BANK1: variants seen among roughly 807,000 people sequenced by gnomAD.
BANK1 encodes B-cell scaffold protein with ankyrin repeats.
Under a neutral mutation model 94.5 loss-of-function variants are expected in BANK1, and 95 were observed. The observed-to-expected ratio is 1.00, with a 90% confidence interval of 0.85 to 1.19. The LOEUF is 1.19. Among genes scored for constraint, BANK1 ranks in the 50% most tolerant of loss-of-function variants. The probability of loss-of-function intolerance (pLI) is 0.00; values close to 1 mark genes in which losing one functional copy is unlikely to be tolerated. For synonymous variants in BANK1, 334 were observed against 308.4 expected (o/e 1.08, Z -0.87); for missense variants, 987 against 932.2 (o/e 1.06, Z -0.77).
At chr4:101,808,600 A>G (rs1250762530) in intron 1 of BANK1, among the ~76,000 whole-genome samples, 1 of 152,144 alleles carries the variant, frequency 6.6e-6, no homozygotes, top group Non-Finnish European at 1.5e-5. Context: ...AAATATTTGC[A>G]AACTATGCGT....
At chr4:101,944,174 C>T (rs80291770) in intron 7 of BANK1, among the ~76,000 whole-genome samples, 5 of 151,632 alleles carry the variant, frequency 3.3e-5, no homozygotes, top group South Asian at 2.1e-4. Context: ...ATGTATCAGT[C>T]GAGAAATTTT....
At chr4:101,923,216 T>A (rs1723054735) in intron 7 of BANK1, among the ~76,000 whole-genome samples, 1 of 151,846 alleles carries the variant, frequency 6.6e-6, no homozygotes, top group African/African-American at 2.4e-5. Context: ...AAATTTAGAC[T>A]TCACTGTCAA....
intron 6 of BANK1, among the ~76,000 whole-genome samples, chr4:101,913,684 C>T (rs1380553401): frequency 6.6e-6 from 1 of 152,172 alleles, no homozygotes; most frequent in Non-Finnish European, 1.5e-5. Flanking sequence ...CATCCTTGTT[C>T]TGTTGCTCTT....
At chr4:101,916,757 C>A (rs934514760) in intron 6 of BANK1, among the ~76,000 whole-genome samples, 1 of 151,892 alleles carries the variant, frequency 6.6e-6, no homozygotes. Flanking sequence ...AAGACATTGG[C>A]TGAAACAACT....
At chr4:101,838,678 T>C (rs1294908814) in intron 2 of BANK1, among the ~76,000 whole-genome samples, 2 of 152,200 alleles carry the variant, frequency 1.3e-5, no homozygotes, top group African/African-American at 4.8e-5. Flanking sequence ...TATCCTGAAG[T>C]CTACCTGTAA....
intron 7 of BANK1, among the ~76,000 whole-genome samples, chr4:101,940,191 A>G (rs1368604910): frequency 6.6e-6 from 1 of 151,650 alleles, no homozygotes; most frequent in Non-Finnish European, 1.5e-5. Flanking sequence ...AGAATGATTA[A>G]TGTTTTGTAT....
In BANK1 at chr4:102,072,396, A is replaced by T. The variant is rs975019256; in HGVS notation, c.2294A>T (p.Asn765Ile). ...ENKFYNVHFS[N>I]KLPARPQVEK... ...AAGTTTTATAATGTACACTTCAGCA[A>T]TAAGGTAGGTTGTATTTATTTTGAT... Residue 765 changes from asparagine (N) to isoleucine (I), a missense_variant, in exon 15 of 17, where the codon AAT becomes ATT. By Grantham distance (149) the Asn-to-Ile change is moderately radical. Coordinates refer to ENST00000322953, the MANE Select transcript of BANK1 (RefSeq NM_017935.5). 6.3e-7 allele frequency: 1 copy of T among 1,590,816 alleles called. No homozygotes were observed. The highest frequency in any genetic ancestry group is 1.7e-5 in the Admixed American group (1 of 59,230).
At chr4:101,813,008 A>G (rs993964323) in intron 1 of BANK1, among the ~76,000 whole-genome samples, 1 of 152,096 alleles carries the variant, frequency 6.6e-6, no homozygotes, top group Non-Finnish European at 1.5e-5. Flanking sequence ...GAATTTAAAT[A>G]CTCTTTAAAA....
At chr4:101,791,760 G>T (rs953867048) in intron 1 of BANK1, among the ~76,000 whole-genome samples, 2 of 152,050 alleles carry the variant, frequency 1.3e-5, no homozygotes, top group African/African-American at 4.8e-5. Context: ...TACCTTTCTA[G>T]AATTTTTTAG....
At chr4:101,958,903 T>C (rs1341654114) in intron 7 of BANK1, among the ~76,000 whole-genome samples, 1 of 152,194 alleles carries the variant, frequency 6.6e-6, no homozygotes, top group African/African-American at 2.4e-5. Context: ...AGAATATAGA[T>C]GATCAAGTAT....
intron 6 of BANK1, among the ~76,000 whole-genome samples, chr4:101,909,994 A>T (rs1722607801): frequency 6.6e-6 from 1 of 152,142 alleles, no homozygotes. Flanking sequence ...TACACTTTGC[A>T]GTTTTATTTA....
chr4:101,813,956 A>G, intron 1 of BANK1: 1 of 842,918 alleles, frequency 1.2e-6, no homozygotes. Context: ...TATATCTTCT[A>G]GTATATAGCT....
chr4:102,062,512 G>T (rs999112741), intron 12 of BANK1: 1 of 152,234 alleles, frequency 6.6e-6, no homozygotes, highest in Admixed American at 6.5e-5. Context: ...TTTACATTTT[G>T]CTTAAAAAGA....
At chr4:102,048,030 C>T (rs1265449207) in intron 11 of BANK1, among the ~76,000 whole-genome samples, 1 of 152,096 alleles carries the variant, frequency 6.6e-6, no homozygotes, top group Non-Finnish European at 1.5e-5. Flanking sequence ...GGTCAATTAC[C>T]TCTAGATTTT....
intron 7 of BANK1, among the ~76,000 whole-genome samples, chr4:101,996,160 C>T (rs951830025): frequency 6.6e-6 from 1 of 152,144 alleles, no homozygotes; most frequent in African/African-American, 2.4e-5. Flanking sequence ...AGCCAGTTTT[C>T]CCAACACCAT....
At chr4:101,967,052 G>A (rs185298803) in intron 7 of BANK1, among the ~76,000 whole-genome samples, 7 of 152,174 alleles carry the variant, frequency 4.6e-5, no homozygotes, top group African/African-American at 1.4e-4. Context: ...TTTATTAATC[G>A]TTAATTGAGC....
intron 7 of BANK1, among the ~76,000 whole-genome samples, chr4:101,922,581 G>A (rs1269723594): frequency 3.3e-5 from 5 of 151,598 alleles, no homozygotes; most frequent in Non-Finnish European, 7.4e-5. Flanking sequence ...ACTTAACTAG[G>A]TCCCATATGG....
At chr4:102,063,463 CT>C (rs1728491453) in intron 13 of BANK1, among the ~76,000 whole-genome samples, 1 of 151,868 alleles carries the variant, frequency 6.6e-6, no homozygotes, top group Admixed American at 6.6e-5. Flanking sequence ...TTGTTACTCT[CT>C]TTCTTTTGAT....
chr4:101,953,824 A>G (rs1393011870), intron 7 of BANK1, among the ~76,000 whole-genome samples: 1 of 152,060 alleles, frequency 6.6e-6, no homozygotes, highest in African/African-American at 2.4e-5. Flanking sequence ...TAGTACATAT[A>G]TTGCATATTG....
Sources: gnomAD v4.1 joint callset for allele counts (sites outside exome capture counted in the v4.1 genomes callset) on GRCh38, gnomAD v4.1.1 for gene constraint, MANE v1.5 for transcripts, NCBI Gene and HGNC (gene_info 2026-07-23, HGNC 2026-07-21) for gene names.